The following CCDC91 variants were observed in gnomAD, a reference collection of about 807,000 sequenced individuals.
CCDC91 encodes coiled-coil domain-containing protein 91.
CCDC91 carries 48 observed loss-of-function variants against 63.2 expected under a neutral mutation model. The observed-to-expected ratio is 0.76, with a 90% CI of 0.60 to 0.97. CCDC91 has a LOEUF of 0.97. CCDC91 is among the 50% of genes least tolerant of loss of function. CCDC91 has a pLI of 0.00. For synonymous variants in CCDC91, 167 were observed against 165.8 expected, an observed-to-expected ratio of 1.01 and a Z score of -0.06; for missense variants, 500 against 494.6, an observed-to-expected ratio of 1.01 and a Z score of -0.10.
intron 7 of CCDC91, among the ~76,000 whole-genome samples, chr12:28,368,173 T>C (rs1466958694): frequency 6.6e-6 from 1 of 152,036 alleles, no homozygotes; most frequent in Non-Finnish European, 1.5e-5. Flanking sequence ...CAGAGAAAAA[T>C]GACATTTTAC....
intron 6 of CCDC91, among the ~76,000 whole-genome samples, chr12:28,315,138 C>T (rs1939712678): frequency 6.9e-6 from 1 of 145,466 alleles, no homozygotes; most frequent in African/African-American, 2.5e-5. Flanking sequence ...GGGTATTTTA[C>T]TTAATGTGTC....
chr12:28,399,181 T>C (rs1412577552), intron 8 of CCDC91, among the ~76,000 whole-genome samples: 4 of 152,164 alleles, frequency 2.6e-5, no homozygotes, highest in African/African-American at 4.8e-5. Context: ...GAAAGAGGTT[T>C]AATTGACTCA....
At chr12:28,381,555 T>G (rs1253214834) in intron 7 of CCDC91, among the ~76,000 whole-genome samples, 2 of 152,142 alleles carry the variant, frequency 1.3e-5, no homozygotes, top group Admixed American at 6.6e-5. Flanking sequence ...ACATTTCTGA[T>G]TTTCGGTAAT....
chr12:28,375,233 T>C (rs1188743647), intron 7 of CCDC91, among the ~76,000 whole-genome samples: 2 of 151,994 alleles, frequency 1.3e-5, no homozygotes, highest in African/African-American at 2.4e-5. Context: ...GAAAAATGAA[T>C]ATTGCATGGC....
intron 12 of CCDC91, among the ~76,000 whole-genome samples, chr12:28,541,774 A>G (rs1319618015): frequency 6.6e-6 from 1 of 152,056 alleles, no homozygotes; most frequent in Non-Finnish European, 1.5e-5. Context: ...GAAAAACTTT[A>G]TGTGGCCTGT....
chr12:28,533,644 G>A (rs1941921762), intron 12 of CCDC91, among the ~76,000 whole-genome samples: 3 of 151,940 alleles, frequency 2.0e-5, no homozygotes, highest in Non-Finnish European at 2.9e-5. Context: ...TAATTTAAAA[G>A]TATGTAGTTC....
chr12:28,291,814 A>G (rs1394595553), intron 3 of CCDC91, among the ~76,000 whole-genome samples: 1 of 152,202 alleles, frequency 6.6e-6, no homozygotes, highest in African/African-American at 2.4e-5. Flanking sequence ...TTCAAATGCT[A>G]AATGACTGTA....
At chr12:28,419,767 T>G (rs75737725) in intron 8 of CCDC91, among the ~76,000 whole-genome samples, 2 of 141,608 alleles carry the variant, frequency 1.4e-5, no homozygotes, top group Non-Finnish European at 3.2e-5. Context: ...TTTTTTTTTT[T>G]GTTCTTTGAG....
chr12:28,477,953 G>C (rs1002506297), intron 11 of CCDC91, among the ~76,000 whole-genome samples: 1 of 151,964 alleles, frequency 6.6e-6, no homozygotes, highest in Admixed American at 6.6e-5. Flanking sequence ...ACTGCTCAAC[G>C]AAATAAAAGG....
intron 6 of CCDC91, among the ~76,000 whole-genome samples, chr12:28,356,507 A>C (rs1435878017): frequency 6.6e-6 from 1 of 152,058 alleles, no homozygotes; most frequent in Non-Finnish European, 1.5e-5. Context: ...ATGTTATCAC[A>C]CCATCTTTAT....
chr12:28,275,244 G>T (rs1392463970), intron 3 of CCDC91, among the ~76,000 whole-genome samples: 5 of 152,028 alleles, frequency 3.3e-5, no homozygotes, highest in African/African-American at 1.2e-4. Flanking sequence ...AAGAAGAAAA[G>T]AGAGAAGAAT....
In CCDC91 at chr12:28,419,550, T is replaced by C. The variant is rs569101581; in HGVS notation, c.762+28139T>C. 5.9e-5 allele frequency among the ~76,000 whole-genome samples: 9 copies of C among 152,264 alleles called. 1 individual carries two copies. The South Asian group carries it at 1.9e-3, about 32-fold the overall frequency. On this transcript the variant is annotated intron_variant, in intron 8 of 12. Coordinates refer to ENST00000536442, the MANE Select transcript of CCDC91 (RefSeq NM_018318.5). ...AGCAGTATTAGCAAAATGGCTACTT[T>C]TGTCTAAGTAGAATATTGGACAAAA...
intron 8 of CCDC91, among the ~76,000 whole-genome samples, chr12:28,434,376 T>C (rs1367302213): frequency 6.6e-6 from 1 of 151,712 alleles, no homozygotes; most frequent in African/African-American, 2.4e-5. Flanking sequence ...CATGTGATTT[T>C]TTTTTCCTCT....
chr12:28,371,178 T>C (rs1013972988), intron 7 of CCDC91, among the ~76,000 whole-genome samples: 4 of 152,160 alleles, frequency 2.6e-5, no homozygotes, highest in African/African-American at 9.7e-5. Context: ...CCCCAGGCTG[T>C]GGACCGGTAC....
At chr12:28,522,698 C>T (rs150561620) in intron 12 of CCDC91, among the ~76,000 whole-genome samples, 2 of 152,146 alleles carry the variant, frequency 1.3e-5, no homozygotes, top group East Asian at 3.8e-4. Context: ...CCTCCTTTCT[C>T]TTGTGGGCAT....
chr12:28,438,071 C>T (rs1197051047), intron 8 of CCDC91, among the ~76,000 whole-genome samples: 3 of 152,062 alleles, frequency 2.0e-5, no homozygotes, highest in African/African-American at 7.2e-5. Context: ...ACTTAAGCAT[C>T]AAATTGTTTC....
chr12:28,247,916 G>T (rs1272634094), intron 1 of CCDC91, among the ~76,000 whole-genome samples: 1 of 152,160 alleles, frequency 6.6e-6, no homozygotes, highest in African/African-American at 2.4e-5. Context: ...TCACAATAGG[G>T]TTCGTGCTCC....
At chr12:28,223,173 G>A (rs1214229847) in intron 1 of CCDC91, among the ~76,000 whole-genome samples, 1 of 152,098 alleles carries the variant, frequency 6.6e-6, no homozygotes, top group Admixed American at 6.6e-5. Flanking sequence ...TGCACATAAA[G>A]GTGAACTTGC....
chr12:28,406,892 A>G (rs1252265818), intron 8 of CCDC91, among the ~76,000 whole-genome samples: 2 of 151,164 alleles, frequency 1.3e-5, no homozygotes, highest in African/African-American at 4.8e-5. Context: ...TTTCTTTTGT[A>G]CATGACATGG....
Sources: gnomAD v4.1 joint callset for allele counts (sites outside exome capture counted in the v4.1 genomes callset) on GRCh38, gnomAD v4.1.1 for gene constraint, MANE v1.5 for transcripts, NCBI Gene and HGNC (gene_info 2026-07-23, HGNC 2026-07-21) for gene names.